The following MICAL3 variants were observed in gnomAD, a reference collection of about 807,000 sequenced individuals.
MICAL3 encodes the protein [F-actin]-monooxygenase MICAL3.
Under a neutral mutation model 207.4 loss-of-function variants are expected in MICAL3, and 62 were observed. The ratio of observed to expected loss-of-function variants is 0.30; its 90% CI spans 0.24 to 0.37. The LOEUF (loss-of-function observed/expected upper bound fraction) is 0.37, where lower values mean the gene tolerates loss of function less well. Ranked by LOEUF, MICAL3 falls within the 10% of genes least tolerant of loss-of-function variation. The probability of loss-of-function intolerance (pLI) is 1.00; values close to 1 mark genes in which losing one functional copy is unlikely to be tolerated. For synonymous variants in MICAL3, 1,077 were observed against 1,069.3 expected (o/e 1.01, Z -0.14); for missense variants, 2,368 against 2,635.6 (o/e 0.90, Z 2.22).
chr22:17,978,734 G>T (rs1477854429), intron 1 of MICAL3, among the ~76,000 whole-genome samples: 4 of 151,904 alleles, frequency 2.6e-5, no homozygotes, highest in Admixed American at 1.3e-4. Flanking sequence ...GGCTAGGCTG[G>T]TCTCAAGCTC....
chr22:17,854,280 C>G (rs969026252), intron 19 of MICAL3, among the ~76,000 whole-genome samples: 1 of 152,164 alleles, frequency 6.6e-6, no homozygotes, highest in African/African-American at 2.4e-5. Flanking sequence ...CGACACACCA[C>G]AAGGCACAGG....
chr22:17,916,685 C>T (rs547112983), intron 1 of MICAL3, among the ~76,000 whole-genome samples: 5 of 152,258 alleles, frequency 3.3e-5, no homozygotes, highest in African/African-American at 7.2e-5. Context: ...ACAACCCCAC[C>T]GGCCTCCAGG....
rs181146947 is a variant in MICAL3 at position 17,928,287 on chromosome 22, A to G, written c.-74-21401T>C. Among the ~76,000 whole-genome samples the G allele has an allele frequency of 3.2e-4, 48 of 152,186 alleles. No individual in the cohort carries two copies. In the East Asian group the frequency reaches 9.1e-3, roughly 29 times the overall value. On this transcript the variant is annotated intron_variant, in intron 1 of 31. Transcript: ENST00000441493. ...ACCCCGCCTCTACTAAAAATACAAAAAATTAGCGGGGCGTGGTGGCGGGCA... is the reference window on the plus strand; with the variant it reads ...ACCCCGCCTCTACTAAAAATACAAAGAATTAGCGGGGCGTGGTGGCGGGCA...
rs935145910 is a variant in MICAL3 at position 17,810,800 on chromosome 22, G to A, written c.5459C>T (p.Thr1820Met). 46 of 1,613,746 alleles carry A rather than the reference G, an allele frequency of 2.9e-5. No individual in the cohort carries two copies. Among genetic ancestry groups the A allele is most frequent in the Non-Finnish European group, 3.6e-5 (42 of 1,179,710 alleles). The change falls in exon 28 of 32, where the codon ACG becomes ATG. Residue 1820 changes from threonine (T) to methionine (M), a missense_variant. Physicochemically the swap from Thr to Met is moderately conservative, Grantham distance 81 (BLOSUM62 -1). Around this residue, in one of 4 missense-constraint regions of MICAL3, gnomAD observed 1,770 missense variants for 1,863.2 expected, o/e 0.95. Transcript: ENST00000441493. The part of the protein sequence containing the change: ...QKSRREPRTY[T>M]EEELNAKLTR... ...CAGCTTGGCATTCAGTTCCTCCTCC[G>A]TGTAGGTTCTTGGCTGGAGAGAACA...
intron 1 of MICAL3, among the ~76,000 whole-genome samples, chr22:18,011,124 C>A (rs1457148292): frequency 6.6e-6 from 1 of 152,186 alleles, no homozygotes; most frequent in East Asian, 1.9e-4. Context: ...TGCAGCTCGG[C>A]CTCCAGGGAC....
intron 21 of MICAL3, among the ~76,000 whole-genome samples, chr22:17,828,417 C>G (rs955267728): frequency 6.6e-6 from 1 of 152,240 alleles, no homozygotes; most frequent in Admixed American, 6.5e-5. Flanking sequence ...GAAAAAGTCC[C>G]CGTCCCTTAG....
At chr22:17,876,811 GGGAGGTTAGGGAGGTTAT>G (rs1569109107) in intron 16 of MICAL3, 12 of 40,616 alleles carry the variant, frequency 3.0e-4, no homozygotes, top group African/African-American at 5.8e-4. Context: ...ATGGAGGTTA[GGGAGGTTAGGGAGGTTAT>G]GGAGGTTAGG....
chr22:17,850,830 T>A (rs183864168), intron 19 of MICAL3, among the ~76,000 whole-genome samples: 19 of 152,212 alleles, frequency 1.2e-4, no homozygotes, highest in African/African-American at 4.6e-4. Context: ...GGCAAAGAGG[T>A]TTCTTTTAAG....
At chr22:17,936,810 A>G (rs1933552734) in intron 1 of MICAL3, among the ~76,000 whole-genome samples, 1 of 152,164 alleles carries the variant, frequency 6.6e-6, no homozygotes, top group Admixed American at 6.5e-5. Flanking sequence ...CAAACAAAAA[A>G]TAGTAGGAGA....
chr22:17,896,870 G>C lies in MICAL3; in HGVS notation c.1060C>G (p.Leu354Val), dbSNP rs762309451. 2.5e-6 allele frequency: 4 copies of C among 1,614,148 alleles called. No individual in the cohort carries two copies. The highest frequency in any genetic ancestry group is 2.5e-6 in the Non-Finnish European group (3 of 1,180,010). Residue 354 changes from leucine to valine, a missense_variant, in exon 8 of 32, where the codon CTG (leucine) becomes GTG (valine). Leu to Val is a conservative substitution (Grantham distance 32, BLOSUM62 1). Around this residue, in one of 4 missense-constraint regions of MICAL3, gnomAD observed 400 missense variants for 547.0 expected, o/e 0.73. Transcript: ENST00000441493. The part of the protein sequence containing the change: ...DFSTQQQLPS[L>V]DFAINHYGQP... The stretch of plus-strand genomic sequence containing the variant: ...CCATAGTGATTGATGGCAAAATCCA[G>C]AGACGGCAGCTGCTGCTGGGTAGAG...
At chr22:17,874,107 C>T (rs184464300) in intron 16 of MICAL3, among the ~76,000 whole-genome samples, 63 of 152,330 alleles carry the variant, frequency 4.1e-4, no homozygotes, top group African/African-American at 1.3e-3. Context: ...GATGCACACA[C>T]GACGAAGCCG....
chr22:17,888,761 A>G (rs1930142752), intron 13 of MICAL3, among the ~76,000 whole-genome samples: 1 of 152,256 alleles, frequency 6.6e-6, no homozygotes, highest in South Asian at 2.1e-4. Flanking sequence ...CACGAGCACT[A>G]GAAGGTGGTG....
At position 17,867,245 on chromosome 22, in the gene MICAL3, G is replaced by A. The variant is rs543683368; in HGVS notation, c.2429-1233C>T. On this transcript the variant is annotated intron_variant, in intron 17 of 31. Transcript: ENST00000441493. ...CCTAGTATACTTTCTCAGACAGAAT[G>A]TTTCACTGGCCACTGGCACTTGGCC... Among the ~76,000 whole-genome samples the A allele has an allele frequency of 2.0e-5, 3 of 152,236 alleles. No homozygotes were observed. The East Asian group carries it at 5.8e-4, about 29-fold the overall frequency.
At chr22:17,822,520 T>C (rs1262766889) in intron 23 of MICAL3, among the ~76,000 whole-genome samples, 1 of 152,156 alleles carries the variant, frequency 6.6e-6, no homozygotes, top group Non-Finnish European at 1.5e-5. Flanking sequence ...ATGCACCTCC[T>C]CCTCTCAGTA....
chr22:17,810,582 G>T, intron 28 of MICAL3, 121 bp downstream of exon 28: 1 of 737,372 alleles, frequency 1.4e-6, no homozygotes, highest in South Asian at 1.8e-5. Context: ...TGGCAGGGAG[G>T]CCCGTCTACC....
intron 1 of MICAL3, among the ~76,000 whole-genome samples, chr22:17,944,983 A>G (rs1355371730): frequency 6.7e-6 from 1 of 150,118 alleles, no homozygotes; most frequent in Non-Finnish European, 1.5e-5. Flanking sequence ...CTAAATATGA[A>G]GTTCGCACTC....
intron 1 of MICAL3, among the ~76,000 whole-genome samples, chr22:17,914,325 T>C (rs1222041836): frequency 1.3e-5 from 2 of 152,032 alleles, no homozygotes; most frequent in African/African-American, 4.8e-5. Context: ...AACTGTAGTG[T>C]TAAACAAGAC....
chr22:18,004,132 G>C (rs1289730662), intron 1 of MICAL3: 2 of 152,210 alleles, frequency 1.3e-5, no homozygotes, highest in East Asian at 3.9e-4. Flanking sequence ...AAGAGCTCTG[G>C]AAAGTGCATC....
chr22:17,915,742 C>T (rs1932456082), intron 1 of MICAL3, among the ~76,000 whole-genome samples: 2 of 152,120 alleles, frequency 1.3e-5, no homozygotes, highest in South Asian at 4.1e-4. Context: ...TCAACGGCAC[C>T]AAGCTGAGCA....
Sources: allele counts gnomAD v4.1 joint callset (sites outside exome capture counted in the v4.1 genomes callset), GRCh38; gene constraint gnomAD v4.1.1; regional missense constraint gnomAD v4.1.1; transcripts MANE v1.5; gene names NCBI Gene and HGNC (gene_info 2026-07-23, HGNC 2026-07-21).